Variants in SRGAP3 observed in about 807,000 individuals in gnomAD.
SRGAP3 encodes the protein SLIT-ROBO Rho GTPase-activating protein 3.
A neutral mutation model predicts 121.1 loss-of-function variants in SRGAP3; 39 were observed. The observed-to-expected ratio is 0.32, with a 90% confidence interval of 0.25 to 0.42. The LOEUF is 0.42. SRGAP3 is among the 10% of genes least tolerant of loss of function. The pLI is 1.00. For missense variants in SRGAP3, 1,213 were observed against 1,470.6 expected (o/e 0.82, Z 2.86); for synonymous variants, 601 against 570.0 (o/e 1.05, Z -0.77).
Position 9,044,869 on chromosome 3 carries a change from A to C in SRGAP3, c.1408+2522T>G, listed in dbSNP as rs566598216. On this transcript the variant is annotated intron_variant, in intron 10 of 21. Coordinates refer to ENST00000383836, the MANE Select transcript of SRGAP3 (RefSeq NM_014850.4). The stretch of plus-strand genomic sequence containing the variant: ...CCAATGGGCAATTTCCAATTGATCA[A>C]TTTATCAATTAGGTCAGTGGAAATT... Among the ~76,000 whole-genome samples, 15 of 152,278 alleles carry C rather than the reference A, an allele frequency of 9.9e-5. No homozygotes were observed. In the South Asian group the frequency reaches 2.9e-3, roughly 29 times the overall value.
intron 4 of SRGAP3, among the ~76,000 whole-genome samples, chr3:9,066,812 T>C (rs554685118): frequency 1.2e-4 from 19 of 152,232 alleles, no homozygotes; most frequent in Non-Finnish European, 2.5e-4. Context: ...GTGACTTTTA[T>C]CATTAAATCA....
At chr3:9,287,311 C>T (rs1479934294) in intron 3 of SRGAP3, among the ~76,000 whole-genome samples, 1 of 152,116 alleles carries the variant, frequency 6.6e-6, no homozygotes, top group Non-Finnish European at 1.5e-5. Flanking sequence ...CTCTTTTGAT[C>T]CTCATTTCTT....
chr3:9,113,966 A>G (rs1364810717), intron 2 of SRGAP3, among the ~76,000 whole-genome samples: 1 of 152,156 alleles, frequency 6.6e-6, no homozygotes, highest in South Asian at 2.1e-4. Flanking sequence ...GAGGAGTGTG[A>G]GGCTGCCATG....
At chr3:9,277,378 T>C (rs534361681) in intron 3 of SRGAP3, among the ~76,000 whole-genome samples, 1 of 151,808 alleles carries the variant, frequency 6.6e-6, no homozygotes, top group South Asian at 2.1e-4. Flanking sequence ...GGCGAGCAGA[T>C]CACTTGAGGT....
Position 8,985,410 on chromosome 3 carries a change from C to A in SRGAP3, c.*109G>T. On this transcript the variant is annotated 3_prime_UTR_variant, in exon 22 of 22. Coordinates refer to ENST00000383836, the MANE Select transcript of SRGAP3 (RefSeq NM_014850.4). This position sits in a 1 kb window ranked among gnomAD's most constrained non-coding sequence, Gnocchi z 5.1. ...GCACAGACACACCCTCCCAGACGGACCTCTGCCCTCCAAGGCCAGGGTCAC... is the reference window on the plus strand; with the variant it reads ...GCACAGACACACCCTCCCAGACGGAACTCTGCCCTCCAAGGCCAGGGTCAC... 2 of 1,540,440 alleles carry A rather than the reference C, an allele frequency of 1.3e-6. No homozygotes were observed. The highest frequency in any genetic ancestry group is 1.2e-5 in the South Asian group (1 of 82,026).
intron 10 of SRGAP3, among the ~76,000 whole-genome samples, 155 bp from the exon 11 acceptor site, chr3:9,038,245 C>A (rs531677864): frequency 6.6e-6 from 1 of 152,178 alleles, no homozygotes; most frequent in Non-Finnish European, 1.5e-5. Flanking sequence ...AAAAGAACTG[C>A]GTCTTATTAA....
chr3:9,296,684 C>A (rs2125272608), intron 3 of SRGAP3, among the ~76,000 whole-genome samples: 1 of 152,322 alleles, frequency 6.6e-6, no homozygotes. Flanking sequence ...GGTTAACTCA[C>A]CACCCTGCCT....
chr3:9,052,531 G>T (rs544032585), intron 9 of SRGAP3, among the ~76,000 whole-genome samples: 5 of 152,080 alleles, frequency 3.3e-5, no homozygotes, highest in Admixed American at 6.6e-5. Context: ...CCCAGTCCCC[G>T]TCTCCTTTCT....
intron 2 of SRGAP3, among the ~76,000 whole-genome samples, chr3:9,108,132 G>A (rs1575084769): frequency 1.3e-5 from 2 of 152,130 alleles, no homozygotes; most frequent in Non-Finnish European, 2.9e-5. Flanking sequence ...CCAGACTAAG[G>A]GGGTGGGACC....
intron 1 of SRGAP3, among the ~76,000 whole-genome samples, chr3:9,128,753 T>C (rs1366180525): frequency 1.3e-5 from 2 of 152,204 alleles, no homozygotes; most frequent in Non-Finnish European, 2.9e-5. Context: ...TGGAATGATA[T>C]ACAATAATGA....
chr3:9,020,752 C>T (rs2125054699), intron 14 of SRGAP3, among the ~76,000 whole-genome samples: 1 of 152,292 alleles, frequency 6.6e-6, no homozygotes, highest in Admixed American at 6.5e-5. Context: ...GAATGGAATC[C>T]CAGAGCTGGA....
At chr3:9,054,434 A>G (rs1378333985) in intron 8 of SRGAP3, among the ~76,000 whole-genome samples, 1 of 152,238 alleles carries the variant, frequency 6.6e-6, no homozygotes, top group Non-Finnish European at 1.5e-5. Context: ...TCTTTCAACC[A>G]ACTGTCAATC....
intron 3 of SRGAP3, among the ~76,000 whole-genome samples, chr3:9,321,175 C>G (rs1188349660): frequency 1.3e-5 from 2 of 151,752 alleles, no homozygotes; most frequent in Non-Finnish European, 2.9e-5. Flanking sequence ...TAGCCCTCAG[C>G]CAACAGTCAG....
chr3:9,054,424 T>C (rs200561738), intron 8 of SRGAP3, among the ~76,000 whole-genome samples: 5 of 125,622 alleles, frequency 4.0e-5, no homozygotes, highest in Admixed American at 7.5e-5. Flanking sequence ...ATAACTTAAC[T>C]CTTTCAACCA....
At chr3:9,051,710 CTTTTTTTTT>C (rs36044423) in intron 9 of SRGAP3, among the ~76,000 whole-genome samples, 3 of 103,112 alleles carry the variant, frequency 2.9e-5, no homozygotes, top group Admixed American at 2.4e-4. Flanking sequence ...TTGCTCAATT[CTTTTTTTTT>C]TTTTTTTTTT....
chr3:9,016,714 T>G (rs530965829), intron 14 of SRGAP3, among the ~76,000 whole-genome samples: 2 of 152,350 alleles, frequency 1.3e-5, no homozygotes, highest in African/African-American at 4.8e-5. Context: ...CCCAATGGTT[T>G]TAGCATCCAG....
rs771356642 is a variant in SRGAP3 at position 9,056,234 on chromosome 3, T to A, written c.1124A>T (p.Glu375Val). ...RLATLKIENE[E>V]VRKTLDATMQ... ...TATAGGGCAGAGGGGCTCACTCACCTCCTCATTCTCTATCTTGAGGGTGGC... is the reference window on the plus strand; with the variant it reads ...TATAGGGCAGAGGGGCTCACTCACCACCTCATTCTCTATCTTGAGGGTGGC... The change falls in exon 8 of 22, where the codon GAG becomes GTG. Residue 375 changes from glutamate to valine, a missense_variant and splice_region_variant. Transcript: ENST00000383836. 6.2e-7 allele frequency: 1 copy of A among 1,613,780 alleles called. No individual in the cohort carries two copies. Among genetic ancestry groups the A allele is most frequent in the Non-Finnish European group, 8.5e-7 (1 of 1,179,774 alleles).
chr3:9,173,658 C>A (rs1951067417), intron 1 of SRGAP3, among the ~76,000 whole-genome samples: 1 of 152,064 alleles, frequency 6.6e-6, no homozygotes, highest in African/African-American at 2.4e-5. Context: ...TGGCTTCACA[C>A]ATGTTGTTAC....
rs562522167 is a variant in SRGAP3 at position 9,130,839 on chromosome 3, T to C, written c.68-5922A>G. Among the ~76,000 whole-genome samples, 43 of 152,376 alleles carry C rather than the reference T, an allele frequency of 2.8e-4. No individual in the cohort carries two copies. The South Asian group carries it at 5.8e-3, about 21-fold the overall frequency. ...GCATTATCAGGAGATGACATTCTCA[T>C]ATTTTAGAGGAAAAGCTCATAAATC... is the stretch of plus-strand genomic sequence containing the variant. On this transcript the variant is annotated intron_variant, in intron 1 of 21. Transcript: ENST00000383836.
Sources: allele counts gnomAD v4.1 joint callset (sites outside exome capture counted in the v4.1 genomes callset), GRCh38; gene constraint gnomAD v4.1.1; non-coding constraint Gnocchi (gnomAD v3.1); transcripts MANE v1.5; gene names NCBI Gene and HGNC (gene_info 2026-07-23, HGNC 2026-07-21).